IGF1R: variants seen among roughly 807,000 people sequenced by gnomAD.
IGF1R encodes the protein insulin-like growth factor 1 receptor.
In IGF1R, 44 loss-of-function variants were observed where a neutral mutation model predicts 144.6. The ratio of observed to expected loss-of-function variants is 0.30; its 90% CI spans 0.24 to 0.39. IGF1R has a LOEUF of 0.39. Ranked by LOEUF, IGF1R falls within the 10% of genes least tolerant of loss-of-function variation. The pLI, the probability that IGF1R is intolerant of heterozygous loss-of-function variation, is 1.00. For missense variants in IGF1R, 1,355 were observed against 1,833.7 expected (o/e 0.74, Z 4.77); for synonymous variants, 795 against 722.8 (o/e 1.10, Z -1.60).
At chr15:98,883,696 C>T (rs558079655) in intron 2 of IGF1R, among the ~76,000 whole-genome samples, 1 of 152,280 alleles carries the variant, frequency 6.6e-6, no homozygotes, top group South Asian at 2.1e-4. Flanking sequence ...AGGCTGTCCT[C>T]CTCCTGTGCC....
intron 2 of IGF1R, among the ~76,000 whole-genome samples, chr15:98,780,143 T>TA (rs2055820609): frequency 6.6e-6 from 1 of 151,464 alleles, no homozygotes. Context: ...ATTGAAAACT[T>TA]AAAGTATAAT....
chr15:98,915,895 C>T (rs969465384), intron 8 of IGF1R, 69 bp from the exon 9 acceptor site: 10 of 1,462,764 alleles, frequency 6.8e-6, no homozygotes, highest in Admixed American at 5.0e-5. Context: ...GTTGGCTTGC[C>T]AGAGTATCTG....
chr15:98,810,156 G>C (rs2056555271), intron 2 of IGF1R, among the ~76,000 whole-genome samples: 1 of 151,832 alleles, frequency 6.6e-6, no homozygotes, highest in African/African-American at 2.4e-5. Context: ...CTGGCGGAGG[G>C]GGTGGTGGGT....
At chr15:98,792,518 A>C (rs745487964) in intron 2 of IGF1R, among the ~76,000 whole-genome samples, 2 of 152,190 alleles carry the variant, frequency 1.3e-5, no homozygotes, top group African/African-American at 2.4e-5. Flanking sequence ...CAAAACCATG[A>C]ATCTGTGGTT....
At chr15:98,868,191 C>T (rs1246981234) in intron 2 of IGF1R, among the ~76,000 whole-genome samples, 1 of 149,354 alleles carries the variant, frequency 6.7e-6, no homozygotes, top group African/African-American at 2.5e-5. Context: ...ACTCTGTCTC[C>T]AAAAAAAAAT....
In IGF1R at chr15:98,837,877, A is replaced by G. The variant is rs533627106; in HGVS notation, c.641-53448A>G. Reference sequence around the variant, plus strand: ...TTCAAAGAATGGAGATATCTTTTCAATGTTGAGAGAGTGGCAGTCTGCTGG... The same window carrying G: ...TTCAAAGAATGGAGATATCTTTTCAGTGTTGAGAGAGTGGCAGTCTGCTGG... On this transcript the variant is annotated intron_variant, in intron 2 of 20. Transcript: ENST00000650285. Among the ~76,000 whole-genome samples, 46 of 152,292 alleles carry G rather than the reference A, an allele frequency of 3.0e-4. 1 individual carries two copies. The highest frequency in any genetic ancestry group is 1.0e-3 in the African/African-American group (43 of 41,542).
chr15:98,823,595 G>A (rs1390154784), intron 2 of IGF1R, among the ~76,000 whole-genome samples: 1 of 152,192 alleles, frequency 6.6e-6, no homozygotes, highest in African/African-American at 2.4e-5. Flanking sequence ...AGTGAGAAGT[G>A]GGGATATGGT....
intron 10 of IGF1R, among the ~76,000 whole-genome samples, chr15:98,921,057 C>T (rs2015464191): frequency 1.3e-5 from 2 of 152,198 alleles, no homozygotes; most frequent in Admixed American, 1.3e-4. Flanking sequence ...TCTGGACTTT[C>T]TCATTTCCCT....
At chr15:98,932,536 C>G (rs2015985528) in intron 15 of IGF1R, among the ~76,000 whole-genome samples, 1 of 152,188 alleles carries the variant, frequency 6.6e-6, no homozygotes, top group Non-Finnish European at 1.5e-5. Flanking sequence ...AGGGACCTCC[C>G]AGGGAATGAA....
At chr15:98,762,446 G>A (rs369975957) in intron 2 of IGF1R, among the ~76,000 whole-genome samples, 91 of 152,212 alleles carry the variant, frequency 6.0e-4, no homozygotes, top group African/African-American at 2.0e-3. Flanking sequence ...CATATATTCC[G>A]GCCAGGCATA....
rs1027396773 is a variant in IGF1R at position 98,756,033 on chromosome 15, T to C, written c.640+47926T>C. On this transcript the variant is annotated intron_variant, in intron 2 of 20. Coordinates refer to ENST00000650285, the MANE Select transcript of IGF1R (RefSeq NM_000875.5). ...GAATAAGCCCTAATTTGTTATGGTG[T>C]GATAATCTTTGGATATGTTGCTATT... Among the ~76,000 whole-genome samples the C allele has an allele frequency of 5.9e-5, 9 of 152,272 alleles. No individual in the cohort carries two copies. In the East Asian group the frequency reaches 1.7e-3, roughly 29 times the overall value.
intron 1 of IGF1R, among the ~76,000 whole-genome samples, chr15:98,684,751 G>A (rs1001050490): frequency 7.9e-5 from 12 of 152,146 alleles, no homozygotes; most frequent in African/African-American, 2.7e-4. Context: ...CTGAGAGAGC[G>A]CATGTGGGAT....
At chr15:98,673,783 A>C (rs1274188764) in intron 1 of IGF1R, among the ~76,000 whole-genome samples, 4 of 152,186 alleles carry the variant, frequency 2.6e-5, no homozygotes, top group African/African-American at 9.7e-5. Context: ...CATTCTGCAA[A>C]ATAGTTATTG....
intron 2 of IGF1R, among the ~76,000 whole-genome samples, chr15:98,880,176 C>T (rs917292429): frequency 6.6e-6 from 1 of 152,162 alleles, no homozygotes; most frequent in African/African-American, 2.4e-5. Context: ...GAAGGGGAAG[C>T]ATCCTATAAC....
chr15:98,797,533 C>T (rs1210200502), intron 2 of IGF1R, among the ~76,000 whole-genome samples: 1 of 152,174 alleles, frequency 6.6e-6, no homozygotes, highest in East Asian at 1.9e-4. Context: ...GAGAGCTCTT[C>T]ATTTGGGGTT....
intron 2 of IGF1R, among the ~76,000 whole-genome samples, chr15:98,841,581 G>A (rs1223367442): frequency 6.6e-6 from 1 of 152,152 alleles, no homozygotes; most frequent in African/African-American, 2.4e-5. Context: ...ATCCTTGCCT[G>A]CCCCAGGGAG....
chr15:98,832,343 C>A (rs953656517), intron 2 of IGF1R, among the ~76,000 whole-genome samples: 1 of 152,132 alleles, frequency 6.6e-6, no homozygotes, highest in African/African-American at 2.4e-5. Context: ...GTGCCTTATT[C>A]CCCACAGGGT....
At chr15:98,661,851 CT>C (rs1160547327) in intron 1 of IGF1R, among the ~76,000 whole-genome samples, 1 of 151,576 alleles carries the variant, frequency 6.6e-6, no homozygotes, top group African/African-American at 2.4e-5. Flanking sequence ...ATGCTTTTCT[CT>C]TTTTTTCTCC....
chr15:98,930,872 G>A (rs2015913060), intron 15 of IGF1R, among the ~76,000 whole-genome samples: 1 of 152,184 alleles, frequency 6.6e-6, no homozygotes, highest in Admixed American at 6.5e-5. Flanking sequence ...TGACATGGAA[G>A]TTGGGTGATC....
Sources: gnomAD v4.1 joint callset for allele counts (sites outside exome capture counted in the v4.1 genomes callset) on GRCh38, gnomAD v4.1.1 for gene constraint, MANE v1.5 for transcripts, NCBI Gene and HGNC (gene_info 2026-07-23, HGNC 2026-07-21) for gene names.